The following PDE4D variants were observed in gnomAD, a reference collection of about 807,000 sequenced individuals.
PDE4D encodes 3',5'-cyclic-AMP phosphodiesterase 4D.
In PDE4D, 24 loss-of-function variants were observed where a neutral mutation model predicts 87.4. The ratio of observed to expected loss-of-function variants is 0.27; its 90% CI spans 0.20 to 0.39. The LOEUF is 0.39. Among genes scored for constraint, PDE4D ranks in the 10% least tolerant of loss-of-function variants. The pLI is 1.00. For missense variants in PDE4D, 714 were observed against 1,041.0 expected, an observed-to-expected ratio of 0.69 and a Z score of 4.32; for synonymous variants, 384 against 383.2, an observed-to-expected ratio of 1.00 and a Z score of -0.02.
chr5:59,157,292 A>G (rs1780393186), intron 5 of PDE4D: 1 of 702,218 alleles, frequency 1.4e-6, no homozygotes. Flanking sequence ...AAGGTCAGCC[A>G]AATCATCTGC....
chr5:59,343,723 T>C (rs1779152143), intron 1 of PDE4D, among the ~76,000 whole-genome samples: 1 of 152,216 alleles, frequency 6.6e-6, no homozygotes, highest in South Asian at 2.1e-4. Context: ...TTGGATCATT[T>C]ACAATTTTCT....
At chr5:60,354,552 A>G (rs1272167036) in intron 1 of PDE4D, among the ~76,000 whole-genome samples, 1 of 152,196 alleles carries the variant, frequency 6.6e-6, no homozygotes, top group African/African-American at 2.4e-5. Flanking sequence ...CCAGGCTGAA[A>G]GCTGCCAAAT....
chr5:59,940,245 C>T (rs954234826), intron 3 of PDE4D, among the ~76,000 whole-genome samples: 2 of 152,194 alleles, frequency 1.3e-5, no homozygotes, highest in African/African-American at 4.8e-5. Context: ...GTTTCGGTTT[C>T]TTTCCTATGG....
At chr5:59,941,934 C>T (rs1393311700) in intron 3 of PDE4D, among the ~76,000 whole-genome samples, 4 of 152,186 alleles carry the variant, frequency 2.6e-5, no homozygotes, top group Non-Finnish European at 4.4e-5. Flanking sequence ...AGAGCTTAGC[C>T]TTAGCAATGG....
chr5:60,265,622 C>T (rs948690340), intron 1 of PDE4D, among the ~76,000 whole-genome samples: 10 of 152,138 alleles, frequency 6.6e-5, no homozygotes, highest in East Asian at 3.9e-4. Flanking sequence ...CCTGGGATTA[C>T]AGATGGCTCA....
At chr5:59,119,583 A>G (rs1387952430) in intron 5 of PDE4D, among the ~76,000 whole-genome samples, 1 of 152,222 alleles carries the variant, frequency 6.6e-6, no homozygotes, top group African/African-American at 2.4e-5. Flanking sequence ...AATATGACAA[A>G]GGAAATAATG....
chr5:59,407,655 C>G (rs10471470), intron 1 of PDE4D, among the ~76,000 whole-genome samples: 2,115 of 152,190 alleles, frequency 0.014, 56 homozygotes, highest in African/African-American at 0.049. Flanking sequence ...AAGTAAAGTC[C>G]GTGCTGACAA....
At chr5:59,159,768 T>A (rs929400461) in intron 5 of PDE4D, among the ~76,000 whole-genome samples, 1 of 152,200 alleles carries the variant, frequency 6.6e-6, no homozygotes, top group Non-Finnish European at 1.5e-5. Context: ...TTTACCTTTA[T>A]TTTATGCTCA....
intron 1 of PDE4D, among the ~76,000 whole-genome samples, chr5:59,298,415 A>G (rs993192248): frequency 2.3e-4 from 35 of 152,158 alleles, no homozygotes; most frequent in African/African-American, 7.2e-4. Context: ...GTGCCTGGCC[A>G]TAAGTGTAAC....
At chr5:60,206,545 T>C (rs1442151626) in intron 1 of PDE4D, among the ~76,000 whole-genome samples, 1 of 152,240 alleles carries the variant, frequency 6.6e-6, no homozygotes, top group Non-Finnish European at 1.5e-5. Flanking sequence ...AAAGTGTTCA[T>C]GCAAACATTT....
At chr5:59,870,517 A>G (rs1185470259) in intron 1 of PDE4D, among the ~76,000 whole-genome samples, 7 of 152,230 alleles carry the variant, frequency 4.6e-5, no homozygotes. Flanking sequence ...CTTAAAAGAC[A>G]TGAAAGCATA....
intron 1 of PDE4D, among the ~76,000 whole-genome samples, chr5:59,250,296 G>C (rs1433714433): frequency 6.7e-6 from 1 of 148,216 alleles, no homozygotes; most frequent in Non-Finnish European, 1.5e-5. Flanking sequence ...GGGCAACATA[G>C]GGAGACACTG....
intron 1 of PDE4D, among the ~76,000 whole-genome samples, chr5:59,807,978 C>G (rs1767931334): frequency 6.6e-6 from 1 of 152,152 alleles, no homozygotes; most frequent in African/African-American, 2.4e-5. Context: ...TGATGGATGC[C>G]CATCATTCAT....
At chr5:59,928,635 G>A (rs1394352148) in intron 3 of PDE4D, among the ~76,000 whole-genome samples, 3 of 152,004 alleles carry the variant, frequency 2.0e-5, no homozygotes, top group Non-Finnish European at 4.4e-5. Flanking sequence ...ACCTTCCCCA[G>A]CCCCCTGGGT....
intron 1 of PDE4D, among the ~76,000 whole-genome samples, chr5:59,574,066 ATATATT>A (rs1321225746): frequency 0.037 from 730 of 19,790 alleles, 13 homozygotes; most frequent in African/African-American, 0.095. Flanking sequence ...ATAAAAATAT[ATATATT>A]TATATATATA....
At chr5:59,575,188 T>C (rs1007065647) in intron 1 of PDE4D, among the ~76,000 whole-genome samples, 1 of 152,114 alleles carries the variant, frequency 6.6e-6, no homozygotes, top group Non-Finnish European at 1.5e-5. Context: ...TTTTAGAGCT[T>C]AGTTTGACAG....
At chr5:60,475,155 C>T (rs1674107714) in intron 1 of PDE4D, among the ~76,000 whole-genome samples, 1 of 152,106 alleles carries the variant, frequency 6.6e-6, no homozygotes, top group Admixed American at 6.6e-5. Flanking sequence ...TAATGTTATG[C>T]TCCCTAAGCA....
At chr5:59,914,861 A>G (rs1285992866) in intron 3 of PDE4D, among the ~76,000 whole-genome samples, 2 of 88,364 alleles carry the variant, frequency 2.3e-5, no homozygotes, top group African/African-American at 7.6e-5. Flanking sequence ...TAATTTACTG[A>G]TAGGGGTGTG....
chr5:59,908,612 G>A (rs1179513727), intron 3 of PDE4D, among the ~76,000 whole-genome samples: 1 of 152,146 alleles, frequency 6.6e-6, no homozygotes, highest in African/African-American at 2.4e-5. Context: ...GTCCATGATT[G>A]TATATTTTAT....
Sources: allele counts gnomAD v4.1 joint callset (sites outside exome capture counted in the v4.1 genomes callset), GRCh38; gene constraint gnomAD v4.1.1; transcripts MANE v1.5; gene names NCBI Gene and HGNC (gene_info 2026-07-23, HGNC 2026-07-21).